COG5: variants seen among roughly 807,000 people sequenced by gnomAD.
COG5 encodes conserved oligomeric Golgi complex subunit 5.
A neutral mutation model predicts 110.4 loss-of-function variants in COG5; 86 were observed. That is an observed-to-expected ratio of 0.78 (90% confidence interval 0.65 to 0.93). The LOEUF is 0.93. Among genes scored for constraint, COG5 ranks in the 40% least tolerant of loss-of-function variants. COG5 has a pLI of 0.00. For missense variants in COG5, 1,077 were observed against 987.0 expected (o/e 1.09, Z -1.22); for synonymous variants, 360 against 334.6 (o/e 1.08, Z -0.83).
intron 17 of COG5, among the ~76,000 whole-genome samples, chr7:107,246,150 C>T (rs975494806): frequency 6.6e-6 from 1 of 152,194 alleles, no homozygotes; most frequent in African/African-American, 2.4e-5. Context: ...GCTGGGCTAA[C>T]TGGCTAGTCA....
At chr7:107,315,717 C>T (rs370518269) in intron 11 of COG5, among the ~76,000 whole-genome samples, 1 of 152,196 alleles carries the variant, frequency 6.6e-6, no homozygotes, top group East Asian at 1.9e-4. Context: ...CAGATGGTTG[C>T]ACTTCCTTAA....
intron 19 of COG5, among the ~76,000 whole-genome samples, chr7:107,215,811 G>A (rs759340252): frequency 6.0e-5 from 9 of 150,386 alleles, no homozygotes; most frequent in Admixed American, 4.0e-4. Flanking sequence ...CTGGGTTCAC[G>A]CCATTCCCCT....
chr7:107,531,710 C>T (rs527667101), intron 5 of COG5, among the ~76,000 whole-genome samples: 1 of 142,446 alleles, frequency 7.0e-6, no homozygotes, highest in South Asian at 2.2e-4. Flanking sequence ...TTGATTTAAA[C>T]ATAATAAGGG....
chr7:107,479,560 A>T (rs958926864), intron 6 of COG5, among the ~76,000 whole-genome samples: 1 of 152,154 alleles, frequency 6.6e-6, no homozygotes, highest in Non-Finnish European at 1.5e-5. Flanking sequence ...CTAACTAGCT[A>T]GGAAAGAAAA....
intron 20 of COG5, 130 bp downstream of exon 20, chr7:107,210,969 G>T: frequency 1.8e-6 from 2 of 1,118,938 alleles, no homozygotes; most frequent in Non-Finnish European, 2.7e-6. Context: ...TCTATTCACT[G>T]TCAAAGATAG....
At chr7:107,530,616 A>C (rs1423484698) in intron 5 of COG5, among the ~76,000 whole-genome samples, 12 of 151,186 alleles carry the variant, frequency 7.9e-5, no homozygotes, top group Non-Finnish European at 1.6e-4. Context: ...AAAAAAAAAA[A>C]AAAAAAAAAA....
chr7:107,281,365 T>G lies in COG5; in HGVS notation c.1510A>C (p.Thr504Pro). The G allele has an allele frequency of 1.2e-6, 2 of 1,613,520 alleles. No individual in the cohort carries two copies. The highest frequency in any genetic ancestry group is 1.7e-6 in the Non-Finnish European group (2 of 1,179,570). Residue 504 changes from threonine to proline, a missense_variant, in exon 14 of 22, where the codon ACA (threonine) becomes CCA (proline). Transcript: ENST00000297135. ...GCCACATTTTTTGACACAGCTAATG[T>G]GAGGTTTGTATCAACAGCAGCAACA... ...LNVAAVDTNL[T>P]LAVSKNVAKT...
intron 13 of COG5, 136 bp downstream of exon 13, chr7:107,283,435 C>A: frequency 1.4e-6 from 1 of 702,450 alleles, no homozygotes. Flanking sequence ...CACTCATTTA[C>A]TATAAAATTC....
chr7:107,395,887 G>C (rs1199752717), intron 7 of COG5, among the ~76,000 whole-genome samples: 1 of 151,530 alleles, frequency 6.6e-6, no homozygotes, highest in African/African-American at 2.4e-5. Flanking sequence ...ACTCCCCCTG[G>C]GTAGAATATG....
At chr7:107,222,073 A>T (rs1799972465) in intron 19 of COG5, among the ~76,000 whole-genome samples, 1 of 152,198 alleles carries the variant, frequency 6.6e-6, no homozygotes, top group African/African-American at 2.4e-5. Flanking sequence ...CCTGAACAGT[A>T]CATGCGCATA....
chr7:107,563,545 G>GGT (rs1554466263), intron 1 of COG5: 3 of 73,550 alleles, frequency 4.1e-5, no homozygotes, highest in Non-Finnish European at 6.6e-5. Context: ...CTGGAGGCAT[G>GGT]GGGGGGGGGG....
intron 19 of COG5, among the ~76,000 whole-genome samples, chr7:107,224,628 T>G (rs550535361): frequency 2.6e-4 from 40 of 152,362 alleles, no homozygotes; most frequent in Non-Finnish European, 3.8e-4. Flanking sequence ...TTCTGCCCTT[T>G]GCCTCACAAA....
At chr7:107,407,764 C>T (rs967996497) in intron 7 of COG5, among the ~76,000 whole-genome samples, 1 of 151,634 alleles carries the variant, frequency 6.6e-6, no homozygotes, top group Middle Eastern at 3.4e-3. Flanking sequence ...CAGGTAAATT[C>T]GACCAGTAAC....
chr7:107,312,819 T>G lies in COG5; in HGVS notation c.1108+11621A>C, dbSNP rs1251149834. 2.5e-5 allele frequency among the ~76,000 whole-genome samples: 3 copies of G among 121,532 alleles called. No homozygotes were observed. The South Asian group carries it at 8.1e-4, about 33-fold the overall frequency. 79.7% of individuals were successfully genotyped at this position (121,532 alleles called of 152,430 possible). On this transcript the variant is annotated intron_variant, in intron 11 of 21. Transcript: ENST00000297135. ...AGGCTTATCTATTTAAAAAAATTCATGCTTGGCAGAAGCAGAGGACCTCGG... is the reference window on the plus strand; with the variant it reads ...AGGCTTATCTATTTAAAAAAATTCAGGCTTGGCAGAAGCAGAGGACCTCGG...
intron 5 of COG5, among the ~76,000 whole-genome samples, chr7:107,536,781 C>T (rs867393620): frequency 6.6e-6 from 1 of 152,102 alleles, no homozygotes; most frequent in African/African-American, 2.4e-5. Context: ...TCATATGGAA[C>T]CAAAAAAGAG....
intron 10 of COG5, among the ~76,000 whole-genome samples, chr7:107,330,436 C>T (rs1179626713): frequency 6.6e-6 from 1 of 152,112 alleles, no homozygotes; most frequent in Non-Finnish European, 1.5e-5. Context: ...CCATTGATTT[C>T]AACATAATTA....
chr7:107,405,577 A>G (rs570427588), intron 7 of COG5, among the ~76,000 whole-genome samples: 1 of 152,362 alleles, frequency 6.6e-6, no homozygotes, highest in African/African-American at 2.4e-5. Flanking sequence ...AAGATGTTAC[A>G]AACACAAATA....
chr7:107,250,202 G>A (rs1013928412), intron 16 of COG5, among the ~76,000 whole-genome samples: 1 of 152,156 alleles, frequency 6.6e-6, no homozygotes, highest in Non-Finnish European at 1.5e-5. Context: ...GAGAGTGAGA[G>A]AGGGAGCTTG....
intron 14 of COG5, among the ~76,000 whole-genome samples, chr7:107,266,090 G>A (rs1450456276): frequency 2.0e-5 from 3 of 151,988 alleles, no homozygotes; most frequent in African/African-American, 7.3e-5. Context: ...ACACACACGT[G>A]TGTGTGAGAG....
Sources: allele counts gnomAD v4.1 joint callset (sites outside exome capture counted in the v4.1 genomes callset), GRCh38; gene constraint gnomAD v4.1.1; transcripts MANE v1.5; gene names NCBI Gene and HGNC (gene_info 2026-07-23, HGNC 2026-07-21).